BCL7A: variants seen among roughly 807,000 people sequenced by gnomAD.
BCL7A encodes the protein BAF chromatin remodeling complex subunit BCL7A, also known as B-cell CLL/lymphoma 7 protein family member A.
BCL7A carries 11 observed loss-of-function variants against 28.4 expected under a neutral mutation model. The observed-to-expected ratio is 0.39, with a 90% CI of 0.24 to 0.64. The LOEUF (loss-of-function observed/expected upper bound fraction) is 0.64, where lower values mean the gene tolerates loss of function less well. BCL7A is among the 30% of genes least tolerant of loss of function. The pLI is 0.50. For synonymous variants in BCL7A, 123 were observed against 103.3 expected, an observed-to-expected ratio of 1.19 and a Z score of -1.15; for missense variants, 222 against 274.8, an observed-to-expected ratio of 0.81 and a Z score of 1.36.
chr12:122,045,192 C>T (rs1428239721), intron 4 of BCL7A, among the ~76,000 whole-genome samples: 1 of 151,862 alleles, frequency 6.6e-6, no homozygotes, highest in African/African-American at 2.4e-5. Flanking sequence ...ACCAGCCTGG[C>T]CAACACGGTG....
Position 122,061,078 on chromosome 12 carries a change from C to T in BCL7A, c.*1915C>T, listed in dbSNP as rs1479272834. The T allele has an allele frequency of 1.3e-5, 3 of 226,498 alleles. No homozygotes were observed. Among genetic ancestry groups the T allele is most frequent in the African/African-American group, 2.2e-5 (1 of 44,906 alleles). The allele number at this position is 226,498 out of a possible 1,614,324, so 14.0% of individuals were successfully genotyped here. ...TGATGCGGTTCCTCTCCACGCATCTCGAGGCGGCGTTACCTCCAGATTCCG... is the reference window on the plus strand; with the variant it reads ...TGATGCGGTTCCTCTCCACGCATCTTGAGGCGGCGTTACCTCCAGATTCCG... On this transcript the variant is annotated 3_prime_UTR_variant, in exon 6 of 6. Transcript: ENST00000261822.
intron 2 of BCL7A, among the ~76,000 whole-genome samples, chr12:122,034,996 C>T (rs1883820868): frequency 6.6e-6 from 1 of 152,108 alleles, no homozygotes; most frequent in African/African-American, 2.4e-5. Context: ...AGATACTCTC[C>T]CTAAAAGAGG....
At position 122,021,932 on chromosome 12, in the gene BCL7A, G is replaced by GTGTA; in HGVS notation, c.-157_-156insATGT. ...CCCCGGGCTTTGTGTGTGTGTGTAT[G>GTGTA]TGTGTGTGTGTGTGTGTGTGTGTGT... On this transcript the variant is annotated 5_prime_UTR_variant, in exon 1 of 6. In the 5' UTR this introduces an upstream ATG that the reference lacks. Transcript: ENST00000261822. 1 of 433,696 alleles carries GTGTA rather than the reference G, an allele frequency of 2.3e-6. No individual in the cohort carries two copies. The highest frequency in any genetic ancestry group is 4.2e-6 in the Non-Finnish European group (1 of 237,028). 26.9% of individuals were successfully genotyped at this position (433,696 alleles called of 1,614,324 possible).
intron 3 of BCL7A, among the ~76,000 whole-genome samples, chr12:122,039,002 T>C (rs1272691701): frequency 6.6e-6 from 1 of 151,716 alleles, no homozygotes; most frequent in Non-Finnish European, 1.5e-5. Context: ...CAGGGAGACC[T>C]CATCTCTACA....
At chr12:122,031,074 T>C (rs1883733887) in intron 2 of BCL7A, among the ~76,000 whole-genome samples, 1 of 152,156 alleles carries the variant, frequency 6.6e-6, no homozygotes, top group Non-Finnish European at 1.5e-5. Context: ...CCGCCCAGGC[T>C]GGAGTGCAGT....
chr12:122,040,458 G>A (rs1174443098), intron 3 of BCL7A, among the ~76,000 whole-genome samples: 1 of 151,494 alleles, frequency 6.6e-6, no homozygotes, highest in Non-Finnish European at 1.5e-5. Context: ...CCTTGAATCG[G>A]GAAGGGGAGG....
At chr12:122,047,852 A>G (rs1884107930) in intron 4 of BCL7A, among the ~76,000 whole-genome samples, 1 of 148,468 alleles carries the variant, frequency 6.7e-6, no homozygotes, top group African/African-American at 2.5e-5. Context: ...CTATTTCTCT[A>G]TCAGAAGTGG....
At chr12:122,022,986 TG>T in intron 1 of BCL7A, among the ~76,000 whole-genome samples, 1 of 152,000 alleles carries the variant, frequency 6.6e-6, no homozygotes, top group Admixed American at 6.5e-5. Flanking sequence ...CGGGAGCTCG[TG>T]TTTGTTTTGC....
rs1282452900 is a variant in BCL7A at position 122,061,503 on chromosome 12, CA to C, written c.*2345del. 3 of 232,328 alleles carry C rather than the reference CA, an allele frequency of 1.3e-5. No individual in the cohort carries two copies. Among genetic ancestry groups the C allele is most frequent in the Non-Finnish European group, 2.6e-5 (3 of 117,578 alleles). The allele number at this position is 232,328 out of a possible 1,614,324, so 14.4% of individuals were successfully genotyped here. A position where few individuals can be genotyped will look rare whatever the true frequency, so the allele number is the denominator to read the frequency against. On this transcript the variant is annotated 3_prime_UTR_variant, in exon 6 of 6. Coordinates refer to ENST00000261822, the MANE Select transcript of BCL7A (RefSeq NM_001024808.3). ...CCTTCCACGCAGAATGACAAGACTG[CA>C]AAAATCCGATGTGCTTCCTTCCCTG...
chr12:122,035,236 G>A (rs1385361558), intron 2 of BCL7A, 95 bp from the exon 3 acceptor site: 3 of 1,186,790 alleles, frequency 2.5e-6, no homozygotes, highest in Non-Finnish European at 3.7e-6. Flanking sequence ...GGCTTCAATG[G>A]AATAAAATAT....
chr12:122,022,981 G>T, intron 1 of BCL7A, among the ~76,000 whole-genome samples: 1 of 152,268 alleles, frequency 6.6e-6, no homozygotes, highest in African/African-American at 2.4e-5. Context: ...CACACCGGGA[G>T]CTCGTGTTTG....
chr12:122,052,826 G>A (rs1458922229), intron 4 of BCL7A, among the ~76,000 whole-genome samples: 1 of 135,564 alleles, frequency 7.4e-6, no homozygotes, highest in Non-Finnish European at 1.6e-5. Context: ...GGGATTACAG[G>A]CGCGCGACAC....
intron 4 of BCL7A, among the ~76,000 whole-genome samples, chr12:122,047,455 C>T (rs868810931): frequency 1.3e-5 from 2 of 151,434 alleles, no homozygotes; most frequent in African/African-American, 4.9e-5. Context: ...ACTCGGGAGG[C>T]GGAGCTTGTG....
intron 3 of BCL7A, among the ~76,000 whole-genome samples, chr12:122,036,920 GCTGGTCTCGAACTC>G (rs936576634): frequency 6.6e-6 from 1 of 152,094 alleles, no homozygotes; most frequent in African/African-American, 2.4e-5. Context: ...TGTTGCCCAG[GCTGGTCTCGAACTC>G]CTGGTCTCGA....
chr12:122,057,851 G>A (rs28759327), intron 5 of BCL7A, among the ~76,000 whole-genome samples: 77,304 of 151,896 alleles, frequency 0.51, 19,926 homozygotes, highest in Admixed American at 0.58. Context: ...AGGAGCAGGA[G>A]TCTACATGGC....
At chr12:122,049,053 TAC>T (rs779335250) in intron 4 of BCL7A, among the ~76,000 whole-genome samples, 10,500 of 59,676 alleles carry the variant, frequency 0.18, 552 homozygotes, top group Middle Eastern at 0.29. Context: ...TATATATATA[TAC>T]ATATACACAC....
intron 1 of BCL7A, among the ~76,000 whole-genome samples, chr12:122,024,505 T>C (rs2135836369): frequency 6.6e-6 from 1 of 151,246 alleles, no homozygotes; most frequent in East Asian, 1.9e-4. Context: ...AGCCTTGGAC[T>C]TATTGCCCAG....
rs546313450 is a variant in BCL7A at position 122,031,050 on chromosome 12, A to G, written c.174+269A>G. 2.0e-5 allele frequency among the ~76,000 whole-genome samples: 3 copies of G among 151,994 alleles called. No homozygotes were observed. In the East Asian group the frequency reaches 5.8e-4, roughly 30 times the overall value. ...TTCTTCTTCTTCTTCTTTTTGATAC[A>G]GAGTCTCACTCTGCCGCCCAGGCTG... On this transcript the variant is annotated intron_variant, in intron 2 of 5. Transcript: ENST00000261822.
chr12:122,024,028 CTGCTCTGCAGGGAGGGCAGA>C (rs902503392), intron 1 of BCL7A, among the ~76,000 whole-genome samples: 2 of 152,116 alleles, frequency 1.3e-5, no homozygotes, highest in African/African-American at 4.8e-5. Context: ...GAGCGGCCAG[CTGCTCTGCAGGGAGGGCAGA>C]TGGAGAGATG....
Sources: allele counts gnomAD v4.1 joint callset (sites outside exome capture counted in the v4.1 genomes callset), GRCh38; gene constraint gnomAD v4.1.1; transcripts MANE v1.5; gene names NCBI Gene and HGNC (gene_info 2026-07-23, HGNC 2026-07-21).